Variants in ARHGAP15 observed in about 807,000 individuals in gnomAD.
ARHGAP15 encodes rho GTPase-activating protein 15.
In ARHGAP15, 51 loss-of-function variants were observed where a neutral mutation model predicts 63.7. That is an observed-to-expected ratio of 0.80 (90% CI 0.64 to 1.01). The LOEUF is 1.01. Among genes scored for constraint, ARHGAP15 ranks in the 50% least tolerant of loss-of-function variants. The pLI is 0.00. For synonymous variants in ARHGAP15, 191 were observed against 193.8 expected, an observed-to-expected ratio of 0.99 and a Z score of 0.12; for missense variants, 560 against 564.6, an observed-to-expected ratio of 0.99 and a Z score of 0.08.
intron 6 of ARHGAP15, among the ~76,000 whole-genome samples, chr2:143,314,057 G>T (rs1683583568): frequency 6.6e-6 from 1 of 151,420 alleles, no homozygotes; most frequent in Admixed American, 6.6e-5. Context: ...AAAGCACATG[G>T]TCTTTCTCTC....
At chr2:143,407,909 TTGTG>T (rs1458599974) in intron 6 of ARHGAP15, among the ~76,000 whole-genome samples, 1 of 144,612 alleles carries the variant, frequency 6.9e-6, no homozygotes, top group African/African-American at 2.5e-5. Flanking sequence ...CTAGAAAAAA[TTGTG>T]TGTGACATTT....
chr2:143,580,939 T>A (rs988946943), intron 11 of ARHGAP15, among the ~76,000 whole-genome samples: 1 of 152,206 alleles, frequency 6.6e-6, no homozygotes, highest in Admixed American at 6.5e-5. Flanking sequence ...TAATATATAC[T>A]GAGCACTTCC....
intron 9 of ARHGAP15, 117 bp from the exon 10 acceptor site, chr2:143,519,149 A>AG: frequency 1.3e-6 from 1 of 742,322 alleles, no homozygotes; most frequent in Non-Finnish European, 2.2e-6. Flanking sequence ...AATAAAGCAA[A>AG]AAAAAAATCT....
chr2:143,762,445 C>CT (rs1396722782), intron 13 of ARHGAP15, among the ~76,000 whole-genome samples: 1 of 152,134 alleles, frequency 6.6e-6, no homozygotes, highest in African/African-American at 2.4e-5. Flanking sequence ...CTAATGAAAC[C>CT]TAAGCCCTAC....
rs1355605512 is a variant in ARHGAP15, at chr2:143,762,791, T to C, written c.1245-5198T>C. Among the ~76,000 whole-genome samples, 3 of 152,172 alleles carry C rather than the reference T, an allele frequency of 2.0e-5. No individual in the cohort carries two copies. The East Asian group carries it at 5.8e-4, about 29-fold the overall frequency. ...GAAGAAAAAGTGGCACTCAATTTTC[T>C]CCAAAACTTTTACTTTGGAATGCCA... On this transcript the variant is annotated intron_variant, in intron 13 of 13. Transcript: ENST00000295095.
At position 143,768,099 on chromosome 2, in the gene ARHGAP15, T is replaced by C. The variant is rs772775682; in HGVS notation, c.1355T>C (p.Met452Thr). Reference protein sequence around the residue: ...ENETGNMAIHMVYQNQIAELM... With the variant: ...ENETGNMAIHTVYQNQIAELM... Reference sequence around the variant, plus strand: ...GAAACAGGAAACATGGCGATCCACATGGTCTACCAGAACCAGATAGCTGAG... The same window carrying C: ...GAAACAGGAAACATGGCGATCCACACGGTCTACCAGAACCAGATAGCTGAG... The change falls in exon 14 of 14, where the codon ATG (methionine) becomes ACG (threonine). Residue 452 changes from methionine to threonine, a missense_variant. Physicochemically the swap from Met to Thr is moderately conservative, Grantham distance 81. Transcript: ENST00000295095. 1.2e-6 allele frequency: 2 copies of C among 1,613,868 alleles called. No individual in the cohort carries two copies. Among genetic ancestry groups the C allele is most frequent in the South Asian group, 2.2e-5 (2 of 91,070 alleles).
intron 13 of ARHGAP15, among the ~76,000 whole-genome samples, chr2:143,716,099 G>T (rs1370205535): frequency 6.6e-6 from 1 of 152,138 alleles, no homozygotes; most frequent in Non-Finnish European, 1.5e-5. Flanking sequence ...AGGAAGATCT[G>T]TGCAGCAAAC....
intron 6 of ARHGAP15, among the ~76,000 whole-genome samples, chr2:143,318,124 G>A (rs1047541974): frequency 1.3e-5 from 2 of 151,504 alleles, no homozygotes; most frequent in African/African-American, 2.4e-5. Context: ...CCAGCCTCTC[G>A]AGTAGCTGGG....
chr2:143,334,966 A>G (rs1191388167), intron 6 of ARHGAP15, among the ~76,000 whole-genome samples: 1 of 152,176 alleles, frequency 6.6e-6, no homozygotes, highest in Admixed American at 6.5e-5. Flanking sequence ...CTGGGATGAG[A>G]ATGTGGTGAC....
At chr2:143,592,620 C>A (rs1220011173) in intron 11 of ARHGAP15, among the ~76,000 whole-genome samples, 2 of 152,196 alleles carry the variant, frequency 1.3e-5, no homozygotes, top group South Asian at 2.1e-4. Flanking sequence ...TCCTCTGCTG[C>A]ACATTACCCT....
chr2:143,604,035 A>G (rs1349144640), intron 11 of ARHGAP15, among the ~76,000 whole-genome samples: 1 of 152,180 alleles, frequency 6.6e-6, no homozygotes, highest in African/African-American at 2.4e-5. Context: ...ATCAAAAACC[A>G]TTTCCTGACA....
intron 13 of ARHGAP15, among the ~76,000 whole-genome samples, chr2:143,734,903 C>T (rs1360037755): frequency 6.6e-6 from 1 of 152,110 alleles, no homozygotes; most frequent in Non-Finnish European, 1.5e-5. Flanking sequence ...GGGTATTCCT[C>T]CTGAATATTC....
At chr2:143,166,401 C>CTATT (rs1300412386) in intron 2 of ARHGAP15, among the ~76,000 whole-genome samples, 4 of 152,174 alleles carry the variant, frequency 2.6e-5, no homozygotes, top group South Asian at 4.1e-4. Flanking sequence ...TTCATTTCAT[C>CTATT]TATTTATTTA....
At chr2:143,571,314 G>A (rs1396928460) in intron 11 of ARHGAP15, among the ~76,000 whole-genome samples, 1 of 152,144 alleles carries the variant, frequency 6.6e-6, no homozygotes, top group Non-Finnish European at 1.5e-5. Context: ...TGAAAAAATT[G>A]TCTTCCACGA....
At chr2:143,639,262 G>C (rs777979490) in intron 12 of ARHGAP15, among the ~76,000 whole-genome samples, 1 of 152,034 alleles carries the variant, frequency 6.6e-6, no homozygotes, top group African/African-American at 2.4e-5. Flanking sequence ...GCTCATACAC[G>C]TACTCAAAAC....
intron 12 of ARHGAP15, among the ~76,000 whole-genome samples, chr2:143,696,710 G>C (rs1683863466): frequency 1.3e-5 from 2 of 152,140 alleles, no homozygotes; most frequent in Non-Finnish European, 2.9e-5. Flanking sequence ...AAGAGGGCTT[G>C]TTTATTCAAA....
chr2:143,421,086 G>A (rs1258039929), intron 6 of ARHGAP15, among the ~76,000 whole-genome samples: 1 of 152,150 alleles, frequency 6.6e-6, no homozygotes, highest in Non-Finnish European at 1.5e-5. Context: ...TCCCTCTCCA[G>A]ATCATGGTGA....
rs1308057058 is a variant in ARHGAP15 at position 143,416,544 on chromosome 2, G to T, written c.475-19057G>T. ...ACTCTGTCATGCTTGCCTGGATTTT[G>T]TTGTTGTTGTCAATTTGCTTTGGTT... On this transcript the variant is annotated intron_variant, in intron 6 of 13. Coordinates refer to ENST00000295095, the MANE Select transcript of ARHGAP15 (RefSeq NM_018460.4). 2.0e-5 allele frequency among the ~76,000 whole-genome samples: 3 copies of T among 152,094 alleles called. No homozygotes were observed. The South Asian group carries it at 6.2e-4, about 32-fold the overall frequency.
At chr2:143,594,132 G>A (rs1697421956) in intron 11 of ARHGAP15, among the ~76,000 whole-genome samples, 1 of 152,092 alleles carries the variant, frequency 6.6e-6, no homozygotes, top group Admixed American at 6.6e-5. Context: ...GGAAAAAAGA[G>A]CCTTTAAAGT....
Sources: gnomAD v4.1 joint callset for allele counts (sites outside exome capture counted in the v4.1 genomes callset) on GRCh38, gnomAD v4.1.1 for gene constraint, MANE v1.5 for transcripts, NCBI Gene and HGNC (gene_info 2026-07-23, HGNC 2026-07-21) for gene names.